Variants in VIT observed in about 807,000 individuals in gnomAD.
VIT encodes the protein vitrin.
VIT carries 99 observed loss-of-function variants against 78.0 expected under a neutral mutation model. The observed-to-expected ratio is 1.27, with a 90% CI of 1.08 to 1.50. The LOEUF is 1.50. Among genes scored for constraint, VIT ranks in the 40% most tolerant of loss-of-function variants. The pLI, the probability that VIT is intolerant of heterozygous loss-of-function variation, is 0.00. For synonymous variants in VIT, 374 were observed against 334.3 expected, an observed-to-expected ratio of 1.12 and a Z score of -1.29; for missense variants, 1,126 against 875.3, an observed-to-expected ratio of 1.29 and a Z score of -3.61.
At position 36,739,262 on chromosome 2, in the gene VIT, C is replaced by T. The variant is rs531846898; in HGVS notation, c.119-3838C>T. On this transcript the variant is annotated intron_variant, in intron 3 of 15. Coordinates refer to ENST00000379242, the MANE Select transcript of VIT (RefSeq NM_053276.4). ...GCTTGTTGATAAGGAAACTTGTTCTCCAGAAGCAATGTGGCTTGCCTGGGA... is the reference window on the plus strand; with the variant it reads ...GCTTGTTGATAAGGAAACTTGTTCTTCAGAAGCAATGTGGCTTGCCTGGGA... 1.6e-4 allele frequency among the ~76,000 whole-genome samples: 24 copies of T among 152,204 alleles called. No homozygotes were observed. In the South Asian group the frequency reaches 5.0e-3, roughly 32 times the overall value.
Position 36,808,551 on chromosome 2 carries a change from T to G in VIT, c.1469T>G (p.Val490Gly), listed in dbSNP as rs923432194. Reference protein sequence around the residue: ...FGLHKTLQPLVKRVCDTDRLA... With the variant: ...FGLHKTLQPLGKRVCDTDRLA... ...CTCCACAAGACCCTGCAGCCTCTGG[T>G]GAAGCGGGTCTGCGACACTGACCGC... Residue 490 changes from valine (V) to glycine (G), a missense_variant, in exon 15 of 16, where the codon GTG (valine) becomes GGG (glycine). Val to Gly is a moderately radical substitution (Grantham distance 109, BLOSUM62 -3). Transcript: ENST00000379242. The G allele has an allele frequency of 6.2e-7, 1 of 1,613,956 alleles. No homozygotes were observed. The highest frequency in any genetic ancestry group is 8.5e-7 in the Non-Finnish European group (1 of 1,180,046).
chr2:36,761,722 A>G (rs1185593987), intron 6 of VIT, among the ~76,000 whole-genome samples: 1 of 152,006 alleles, frequency 6.6e-6, no homozygotes, highest in Non-Finnish European at 1.5e-5. Flanking sequence ...CCTGGGTGAC[A>G]GAACGAGACT....
chr2:36,806,622 C>T (rs1165810574), intron 14 of VIT, among the ~76,000 whole-genome samples: 1 of 152,220 alleles, frequency 6.6e-6, no homozygotes, highest in African/African-American at 2.4e-5. Context: ...TCTCGGCTCA[C>T]TGCAGTCTCC....
intron 5 of VIT, among the ~76,000 whole-genome samples, chr2:36,756,814 T>C (rs1332868255): frequency 6.6e-6 from 1 of 152,220 alleles, no homozygotes; most frequent in Admixed American, 6.5e-5. Flanking sequence ...GTTCACCAAG[T>C]AGATCCTGGC....
At chr2:36,758,305 A>G (rs761456589) in intron 5 of VIT, among the ~76,000 whole-genome samples, 1 of 152,240 alleles carries the variant, frequency 6.6e-6, no homozygotes, top group Non-Finnish European at 1.5e-5. Flanking sequence ...ACTGTATTCC[A>G]GTGGCATTCT....
At chr2:36,714,980 C>T (rs1460345342) in intron 1 of VIT, among the ~76,000 whole-genome samples, 2 of 152,186 alleles carry the variant, frequency 1.3e-5, no homozygotes, top group South Asian at 4.1e-4. Flanking sequence ...ATCTATTGCA[C>T]TCTCCAACAT....
intron 14 of VIT, among the ~76,000 whole-genome samples, chr2:36,807,163 G>T (rs900285034): frequency 2.0e-5 from 3 of 152,036 alleles, no homozygotes; most frequent in Non-Finnish European, 4.4e-5. Flanking sequence ...TCTCCCTCCT[G>T]GTGCTCCCCA....
At chr2:36,733,636 G>C (rs984743713) in intron 3 of VIT, among the ~76,000 whole-genome samples, 4 of 152,224 alleles carry the variant, frequency 2.6e-5, no homozygotes, top group African/African-American at 9.6e-5. Flanking sequence ...TAGTATGAAA[G>C]TGTGTACAAA....
chr2:36,761,206 C>T (rs988651369), intron 6 of VIT, among the ~76,000 whole-genome samples: 4 of 152,180 alleles, frequency 2.6e-5, no homozygotes, highest in South Asian at 2.1e-4. Flanking sequence ...ACAATCTTGA[C>T]GAATGACTCT....
chr2:36,732,080 C>T (rs999144503), intron 3 of VIT, among the ~76,000 whole-genome samples: 3 of 152,200 alleles, frequency 2.0e-5, no homozygotes, highest in African/African-American at 7.2e-5. Flanking sequence ...AGCCCTGGGG[C>T]AGATGTGTGT....
At chr2:36,724,448 G>A (rs896684120) in intron 2 of VIT, among the ~76,000 whole-genome samples, 3 of 152,128 alleles carry the variant, frequency 2.0e-5, no homozygotes, top group African/African-American at 7.2e-5. Flanking sequence ...TCTGCTAGGC[G>A]TCCTAGGAAA....
intron 12 of VIT, among the ~76,000 whole-genome samples, chr2:36,794,489 G>C (rs1369903834): frequency 1.3e-5 from 2 of 152,170 alleles, no homozygotes; most frequent in African/African-American, 2.4e-5. Context: ...ATGTATCTCG[G>C]AAAAGGACAC....
At chr2:36,720,620 G>A (rs537213317) in intron 2 of VIT, among the ~76,000 whole-genome samples, 15 of 152,222 alleles carry the variant, frequency 9.9e-5, no homozygotes, top group Non-Finnish European at 1.6e-4. Flanking sequence ...ATACTGTATC[G>A]AATCTACAAA....
At chr2:36,701,473 A>AG (rs1665053032) in intron 1 of VIT, among the ~76,000 whole-genome samples, 2 of 152,286 alleles carry the variant, frequency 1.3e-5, no homozygotes, top group East Asian at 3.9e-4. Flanking sequence ...CATTGACAAG[A>AG]CTCTAGTAAA....
At chr2:36,784,060 A>G (rs542967540) in intron 11 of VIT, among the ~76,000 whole-genome samples, 1 of 152,326 alleles carries the variant, frequency 6.6e-6, no homozygotes, top group South Asian at 2.1e-4. Flanking sequence ...ACTTAGGGAG[A>G]CACAGTAAAG....
chr2:36,755,120 T>C, intron 5 of VIT, 66 bp downstream of exon 5: 2 of 1,496,306 alleles, frequency 1.3e-6, no homozygotes, highest in African/African-American at 2.8e-5. Context: ...CTTTTCATTG[T>C]GCTGTTGGTT....
chr2:36,811,310 T>C (rs978302387), intron 15 of VIT, among the ~76,000 whole-genome samples: 5 of 152,188 alleles, frequency 3.3e-5, no homozygotes, highest in African/African-American at 1.2e-4. Context: ...CAAACATCTG[T>C]CCCCAGTTTG....
chr2:36,723,707 G>T (rs1433609645), intron 2 of VIT, among the ~76,000 whole-genome samples: 1 of 152,112 alleles, frequency 6.6e-6, no homozygotes, highest in East Asian at 1.9e-4. Context: ...AGAAATTTTA[G>T]TATTTAATAT....
intron 1 of VIT, among the ~76,000 whole-genome samples, chr2:36,702,104 A>G (rs1475837468): frequency 2.0e-5 from 3 of 152,220 alleles, no homozygotes; most frequent in Non-Finnish European, 2.9e-5. Context: ...AATGTTAAAC[A>G]GAGAGATGAA....
Sources: allele counts gnomAD v4.1 joint callset (sites outside exome capture counted in the v4.1 genomes callset), GRCh38; gene constraint gnomAD v4.1.1; transcripts MANE v1.5; gene names NCBI Gene and HGNC (gene_info 2026-07-23, HGNC 2026-07-21).